CDH2: variants seen among roughly 807,000 people sequenced by gnomAD.
CDH2 encodes the protein cadherin 2.
In CDH2, 17 loss-of-function variants were observed where a neutral mutation model predicts 92.0. The observed-to-expected ratio is 0.18, with a 90% CI of 0.13 to 0.28. The LOEUF (loss-of-function observed/expected upper bound fraction) is 0.28, where lower values mean the gene tolerates loss of function less well. Among genes scored for constraint, CDH2 ranks in the 10% least tolerant of loss-of-function variants. CDH2 has a pLI of 1.00. For synonymous variants in CDH2, 419 were observed against 415.9 expected (o/e 1.01, Z -0.09); for missense variants, 862 against 1,133.1 (o/e 0.76, Z 3.44).
rs201426757 is a variant in CDH2 at position 28,106,892 on chromosome 18, T to C, written c.172+40781A>G. On this transcript the variant is annotated intron_variant, in intron 2 of 15. Transcript: ENST00000269141. ...TGTTTAGTGAAAATTATTATAGATA[T>C]AAGCAAGGAAAGTCAAAATTATATA... Among the ~76,000 whole-genome samples the C allele has an allele frequency of 1.9e-4, 29 of 152,314 alleles. No individual in the cohort carries two copies. In the East Asian group the frequency reaches 4.0e-3, roughly 21 times the overall value.
At chr18:28,003,256 C>A in intron 6 of CDH2, 87 bp from the exon 7 acceptor site, 1 of 947,156 alleles carries the variant, frequency 1.1e-6, no homozygotes, top group Non-Finnish European at 1.6e-6. Context: ...TTTGATATGT[C>A]TTATTTTCAC....
intron 2 of CDH2, among the ~76,000 whole-genome samples, chr18:28,032,768 T>A (rs2013729667): frequency 6.6e-6 from 1 of 152,090 alleles, no homozygotes; most frequent in Non-Finnish European, 1.5e-5. Flanking sequence ...TGGGTGGTAC[T>A]GATGCCCAAA....
At chr18:27,972,656 A>G (rs1308818560) in intron 14 of CDH2, among the ~76,000 whole-genome samples, 1 of 152,234 alleles carries the variant, frequency 6.6e-6, no homozygotes, top group Non-Finnish European at 1.5e-5. Context: ...GGTTCAATTA[A>G]GTCACAGATA....
At chr18:28,169,961 A>G (rs988582353) in intron 1 of CDH2, among the ~76,000 whole-genome samples, 1 of 152,232 alleles carries the variant, frequency 6.6e-6, no homozygotes, top group Admixed American at 6.5e-5. Context: ...CACTTCCACT[A>G]TTAGAACAGA....
intron 14 of CDH2, among the ~76,000 whole-genome samples, chr18:27,982,359 C>A (rs1599008139): frequency 2.0e-5 from 3 of 152,264 alleles, no homozygotes; most frequent in Admixed American, 2.0e-4. Flanking sequence ...GAAGGAGATT[C>A]TGACATCTAT....
At chr18:28,025,371 A>T (rs2144068526) in intron 2 of CDH2, among the ~76,000 whole-genome samples, 1 of 152,100 alleles carries the variant, frequency 6.6e-6, no homozygotes, top group Middle Eastern at 3.4e-3. Flanking sequence ...ACAAAAAATT[A>T]GCCAGGCGTG....
rs570617059 is a variant in CDH2, at chr18:28,040,169, T to C, written c.173-26260A>G. On this transcript the variant is annotated intron_variant, in intron 2 of 15. Coordinates refer to ENST00000269141, the MANE Select transcript of CDH2 (RefSeq NM_001792.5). Reference sequence around the variant, plus strand: ...GGGCCTCAGAGCGAATCCAAACAAGTGTGTGGCATGCTGGGGTCCTAACCA... The same window carrying C: ...GGGCCTCAGAGCGAATCCAAACAAGCGTGTGGCATGCTGGGGTCCTAACCA... Among the ~76,000 whole-genome samples the C allele has an allele frequency of 6.6e-5, 10 of 152,230 alleles. No individual in the cohort carries two copies. In the East Asian group the frequency reaches 1.3e-3, roughly 21 times the overall value.
intron 9 of CDH2, among the ~76,000 whole-genome samples, chr18:27,991,486 G>C (rs1241405698): frequency 6.6e-6 from 1 of 152,168 alleles, no homozygotes; most frequent in Non-Finnish European, 1.5e-5. Flanking sequence ...GATTTCACTA[G>C]CCACACGAAA....
chr18:27,933,241 A>G (rs1179771449), intron 6 of CDH2, among the ~76,000 whole-genome samples: 1 of 152,216 alleles, frequency 6.6e-6, no homozygotes, highest in East Asian at 1.9e-4. Context: ...ACCAAAATGC[A>G]TGTCCTCCTT....
At chr18:27,947,370 G>A (rs1480812584), downstream of CDH2, among the ~76,000 whole-genome samples, 1 of 151,748 alleles carries the variant, frequency 6.6e-6, no homozygotes, top group African/African-American at 2.4e-5. Context: ...AATGTGAAAA[G>A]TGAGAATATT....
chr18:28,097,158 A>G (rs1286036551), intron 2 of CDH2: 1 of 152,164 alleles, frequency 6.6e-6, no homozygotes, highest in African/African-American at 2.4e-5. Flanking sequence ...TGTGCAGGAT[A>G]AAAGAAAGTA....
chr18:28,126,260 G>A (rs1028332670), intron 2 of CDH2, among the ~76,000 whole-genome samples: 9 of 152,064 alleles, frequency 5.9e-5, no homozygotes, highest in Admixed American at 3.3e-4. Context: ...TAGATTAATG[G>A]GGCAGGGTGG....
intron 14 of CDH2, among the ~76,000 whole-genome samples, chr18:27,967,162 G>T (rs1364029357): frequency 6.6e-6 from 1 of 152,144 alleles, no homozygotes; most frequent in Non-Finnish European, 1.5e-5. Flanking sequence ...AAAATACATG[G>T]CTTAGAGTGT....
chr18:28,070,674 T>A (rs2014600101), intron 2 of CDH2, among the ~76,000 whole-genome samples: 2 of 152,198 alleles, frequency 1.3e-5, no homozygotes, highest in South Asian at 4.1e-4. Flanking sequence ...GTGAAGGCAG[T>A]ATGCCCACTC....
intron 2 of CDH2, among the ~76,000 whole-genome samples, chr18:28,112,250 A>AT (rs2015425494): frequency 6.6e-6 from 1 of 152,220 alleles, no homozygotes; most frequent in African/African-American, 2.4e-5. Flanking sequence ...GGTTTGTTTC[A>AT]TATTTTAGCT....
intron 14 of CDH2, among the ~76,000 whole-genome samples, chr18:27,970,331 G>A (rs1275654571): frequency 6.6e-6 from 1 of 151,928 alleles, no homozygotes; most frequent in African/African-American, 2.4e-5. Context: ...ATTTCTTCTT[G>A]CAAAAAACAA....
chr18:28,078,677 ATT>A lies in CDH2; in HGVS notation c.173-64770_173-64769del, dbSNP rs5823582. ...CAAGCACCCAGGCATTTGTACATTG[ATT>A]TTTTTTTTTTTTGCATGAAATACCC... On this transcript the variant is annotated intron_variant, in intron 2 of 15. Transcript: ENST00000269141. Among the ~76,000 whole-genome samples, 530 of 144,402 alleles carry A rather than the reference ATT, an allele frequency of 3.7e-3. 4 individuals are homozygous for A. The highest frequency in any genetic ancestry group is 0.012 in the African/African-American group (494 of 39,620). 94.7% of individuals were successfully genotyped at this position (144,402 alleles called of 152,430 possible).
intron 2 of CDH2, among the ~76,000 whole-genome samples, chr18:28,038,422 A>AGTGT (rs57601293): frequency 0.046 from 6,483 of 142,294 alleles, 188 homozygotes; most frequent in South Asian, 0.067. Flanking sequence ...CCTTGTCTCA[A>AGTGT]GTGTGTGTGT....
intron 2 of CDH2, among the ~76,000 whole-genome samples, chr18:28,020,879 T>A (rs1364684095): frequency 1.3e-5 from 2 of 152,018 alleles, no homozygotes; most frequent in Admixed American, 1.3e-4. Context: ...ATGCAGGATG[T>A]TACCAACAGA....
Sources: allele counts gnomAD v4.1 joint callset (sites outside exome capture counted in the v4.1 genomes callset), GRCh38; gene constraint gnomAD v4.1.1; transcripts MANE v1.5; gene names NCBI Gene and HGNC (gene_info 2026-07-23, HGNC 2026-07-21).